CTNNA2: variants seen among roughly 807,000 people sequenced by gnomAD.
CTNNA2 encodes the protein catenin alpha-2.
CTNNA2 carries 42 observed loss-of-function variants against 101.0 expected under a neutral mutation model. The observed-to-expected ratio is 0.42, with a 90% CI of 0.32 to 0.54. CTNNA2 has a LOEUF of 0.54. Ranked by LOEUF, CTNNA2 falls within the 20% of genes least tolerant of loss-of-function variation. The pLI, the probability that CTNNA2 is intolerant of heterozygous loss-of-function variation, is 0.14. For missense variants in CTNNA2, 871 were observed against 1,223.1 expected (o/e 0.71, Z 4.29); for synonymous variants, 450 against 456.4 (o/e 0.99, Z 0.18).
At chr2:79,661,004 T>C (rs1681997187) in intron 2 of CTNNA2, among the ~76,000 whole-genome samples, 1 of 152,210 alleles carries the variant, frequency 6.6e-6, no homozygotes, top group Non-Finnish European at 1.5e-5. Flanking sequence ...ACTGTTTTGC[T>C]GAAATTAAAT....
At chr2:79,356,137 T>A (rs927510064) in intron 3 of CTNNA2, among the ~76,000 whole-genome samples, 3 of 151,620 alleles carry the variant, frequency 2.0e-5, no homozygotes, top group East Asian at 1.9e-4. Flanking sequence ...TTCCTTTTTA[T>A]ATATCTATCT....
chr2:80,405,594 A>G (rs1034263801), intron 8 of CTNNA2, among the ~76,000 whole-genome samples: 1 of 152,204 alleles, frequency 6.6e-6, no homozygotes, highest in African/African-American at 2.4e-5. Flanking sequence ...GCTCCATGCC[A>G]GAAACTGAAC....
chr2:79,610,496 T>A (rs1489867804), intron 1 of CTNNA2, among the ~76,000 whole-genome samples: 3 of 152,268 alleles, frequency 2.0e-5, no homozygotes, highest in African/African-American at 7.2e-5. Flanking sequence ...GAATATATAA[T>A]GCATGTCACA....
intron 9 of CTNNA2, among the ~76,000 whole-genome samples, chr2:80,441,183 A>G (rs746476619): frequency 6.6e-5 from 10 of 152,186 alleles, no homozygotes; most frequent in Admixed American, 1.3e-4. Flanking sequence ...AAGAGCCAGG[A>G]TATTTGTGAA....
chr2:80,610,816 G>C (rs932348877), intron 17 of CTNNA2, among the ~76,000 whole-genome samples: 2 of 151,638 alleles, frequency 1.3e-5, no homozygotes, highest in Non-Finnish European at 3.0e-5. Flanking sequence ...CTCTTGTCTT[G>C]TGTCTGCTTT....
chr2:80,208,712 G>A (rs1460295388), intron 7 of CTNNA2, among the ~76,000 whole-genome samples: 1 of 152,134 alleles, frequency 6.6e-6, no homozygotes, highest in Non-Finnish European at 1.5e-5. Context: ...TCATATAATC[G>A]TGGGCAGTAT....
At chr2:80,208,348 G>T (rs1481493096) in intron 7 of CTNNA2, among the ~76,000 whole-genome samples, 1 of 152,162 alleles carries the variant, frequency 6.6e-6, no homozygotes, top group East Asian at 1.9e-4. Flanking sequence ...TAGATGGGTG[G>T]ATAGATAGAT....
At chr2:79,808,831 G>A (rs906212202) in intron 3 of CTNNA2, among the ~76,000 whole-genome samples, 4 of 151,626 alleles carry the variant, frequency 2.6e-5, no homozygotes, top group South Asian at 2.1e-4. Context: ...GGATACATGT[G>A]CAGAATGTGC....
intron 2 of CTNNA2, among the ~76,000 whole-genome samples, chr2:79,652,888 C>T (rs927197404): frequency 2.6e-5 from 4 of 152,280 alleles, no homozygotes; most frequent in African/African-American, 9.6e-5. Flanking sequence ...ATCTAAATTT[C>T]ATCAGCTTAA....
intron 2 of CTNNA2, among the ~76,000 whole-genome samples, chr2:79,706,334 C>T (rs1230955548): frequency 6.9e-6 from 1 of 144,786 alleles, no homozygotes; most frequent in African/African-American, 2.6e-5. Flanking sequence ...CTGCACTCCG[C>T]CCTGGGCGAC....
intron 3 of CTNNA2, among the ~76,000 whole-genome samples, chr2:79,322,967 T>C: frequency 6.6e-6 from 1 of 152,230 alleles, no homozygotes; most frequent in Admixed American, 6.5e-5. Flanking sequence ...GTTATTTCCC[T>C]GAAAGTATCT....
At chr2:79,622,679 A>T (rs1039728070) in intron 1 of CTNNA2, among the ~76,000 whole-genome samples, 1 of 152,206 alleles carries the variant, frequency 6.6e-6, no homozygotes, top group Non-Finnish European at 1.5e-5. Flanking sequence ...ATAGTGGTTC[A>T]TGAGGGTGAC....
intron 9 of CTNNA2, among the ~76,000 whole-genome samples, chr2:80,462,981 G>A (rs1684566865): frequency 6.6e-6 from 1 of 151,936 alleles, no homozygotes; most frequent in African/African-American, 2.4e-5. Context: ...TACTTAGTCG[G>A]CACACTGATT....
intron 7 of CTNNA2, among the ~76,000 whole-genome samples, chr2:80,259,989 T>G (rs1319809853): frequency 6.6e-6 from 1 of 152,230 alleles, no homozygotes; most frequent in Non-Finnish European, 1.5e-5. Context: ...TCGTGAGCCC[T>G]TAACTATGTT....
At chr2:79,715,683 T>C (rs1686048216) in intron 2 of CTNNA2, among the ~76,000 whole-genome samples, 1 of 152,060 alleles carries the variant, frequency 6.6e-6, no homozygotes, top group Non-Finnish European at 1.5e-5. Context: ...AATTCATCAA[T>C]TAGAGGAAAT....
intron 1 of CTNNA2, among the ~76,000 whole-genome samples, chr2:79,607,271 T>C (rs1677956091): frequency 6.6e-6 from 1 of 152,188 alleles, no homozygotes; most frequent in African/African-American, 2.4e-5. Context: ...GCACATAAAC[T>C]GATGGAACTG....
At chr2:79,896,880 G>A (rs75834937) in intron 6 of CTNNA2, among the ~76,000 whole-genome samples, 2 of 152,246 alleles carry the variant, frequency 1.3e-5, no homozygotes, top group Non-Finnish European at 2.9e-5. Context: ...TTAATAACAC[G>A]GTTACACATG....
chr2:79,328,295 A>G (rs1676793082), intron 3 of CTNNA2, among the ~76,000 whole-genome samples: 1 of 152,176 alleles, frequency 6.6e-6, no homozygotes, highest in Admixed American at 6.5e-5. Flanking sequence ...AGCAAAAGAG[A>G]GAGAGCATCT....
chr2:79,967,721 T>C (rs1330936681), intron 7 of CTNNA2, among the ~76,000 whole-genome samples: 1 of 152,214 alleles, frequency 6.6e-6, no homozygotes, highest in Non-Finnish European at 1.5e-5. Flanking sequence ...CTCCTAAGTA[T>C]ATACTCCAAA....
Sources: allele counts gnomAD v4.1 joint callset (sites outside exome capture counted in the v4.1 genomes callset), GRCh38; gene constraint gnomAD v4.1.1; transcripts MANE v1.5; gene names NCBI Gene and HGNC (gene_info 2026-07-23, HGNC 2026-07-21).